The following NALF1 variants were observed in gnomAD, a reference collection of about 807,000 sequenced individuals.
NALF1 encodes the protein NALCN channel auxiliary factor 1.
Under a neutral mutation model 48.4 loss-of-function variants are expected in NALF1, and 3 were observed. The observed-to-expected ratio is 0.06, with a 90% confidence interval of 0.03 to 0.16. NALF1 has a LOEUF of 0.16. NALF1 is among the 10% of genes least tolerant of loss of function. The probability of loss-of-function intolerance (pLI) is 1.00; values close to 1 mark genes in which losing one functional copy is unlikely to be tolerated. For missense variants in NALF1, 526 were observed against 571.5 expected, an observed-to-expected ratio of 0.92 and a Z score of 0.81; for synonymous variants, 262 against 245.7, an observed-to-expected ratio of 1.07 and a Z score of -0.62.
At chr13:107,808,047 T>C (rs992245276) in intron 1 of NALF1, among the ~76,000 whole-genome samples, 2 of 151,810 alleles carry the variant, frequency 1.3e-5, no homozygotes, top group Non-Finnish European at 2.9e-5. Flanking sequence ...AAGAGAAAAA[T>C]GAGGAGGGTT....
At chr13:107,833,250 T>C (rs761231586) in intron 1 of NALF1, among the ~76,000 whole-genome samples, 12 of 152,242 alleles carry the variant, frequency 7.9e-5, no homozygotes, top group African/African-American at 1.4e-4. Flanking sequence ...CAGGGTAGAC[T>C]TGGTGACTTG....
chr13:107,484,120 C>CA (rs1284984230), intron 1 of NALF1, among the ~76,000 whole-genome samples: 2 of 151,312 alleles, frequency 1.3e-5, no homozygotes, highest in African/African-American at 4.9e-5. Context: ...TACAGAAGGC[C>CA]AAAAAAGAAT....
At chr13:107,725,048 G>C (rs796182296) in intron 1 of NALF1, among the ~76,000 whole-genome samples, 3 of 152,264 alleles carry the variant, frequency 2.0e-5, no homozygotes, top group African/African-American at 7.2e-5. Flanking sequence ...TTTTGTGTTT[G>C]TCTTACTTCT....
rs16970981 is a variant in NALF1 at position 107,715,685 on chromosome 13, C to T, written c.915+149997G>A. 0.027 allele frequency among the ~76,000 whole-genome samples: 4,155 copies of T among 152,238 alleles called. 343 individuals are homozygous for T. In the East Asian group the frequency reaches 0.32, roughly 12 times the overall value. On this transcript the variant is annotated intron_variant, in intron 1 of 2. Transcript: ENST00000375915. ...TTGCAATGCAAGGGGAAAAGTGAGCCCTTCAGCAGAGATGGCTGTGAAGCA... is the reference window on the plus strand; with the variant it reads ...TTGCAATGCAAGGGGAAAAGTGAGCTCTTCAGCAGAGATGGCTGTGAAGCA...
intron 1 of NALF1, among the ~76,000 whole-genome samples, chr13:107,234,937 G>A (rs368837685): frequency 5.9e-5 from 9 of 152,076 alleles, no homozygotes; most frequent in African/African-American, 1.9e-4. Flanking sequence ...GAATGCTAAC[G>A]AGCCACAGTA....
chr13:107,513,061 A>T (rs936173490), intron 1 of NALF1, among the ~76,000 whole-genome samples: 6 of 152,214 alleles, frequency 3.9e-5, no homozygotes, highest in African/African-American at 1.4e-4. Context: ...TATGTCTTCC[A>T]AAATAATATT....
intron 1 of NALF1, among the ~76,000 whole-genome samples, chr13:107,239,394 C>T (rs1880420956): frequency 6.6e-6 from 1 of 152,166 alleles, no homozygotes; most frequent in Non-Finnish European, 1.5e-5. Flanking sequence ...GGTCACATGG[C>T]CTTCTCCTAT....
intron 1 of NALF1, among the ~76,000 whole-genome samples, chr13:107,678,826 C>G (rs1297375875): frequency 6.6e-6 from 1 of 152,266 alleles, no homozygotes; most frequent in South Asian, 2.1e-4. Context: ...ATAGGGGAAA[C>G]CATCCCCATG....
chr13:107,785,545 G>A (rs1033243644), intron 1 of NALF1, among the ~76,000 whole-genome samples: 8 of 152,232 alleles, frequency 5.3e-5, no homozygotes, highest in Admixed American at 2.0e-4. Flanking sequence ...GGGGACTTGC[G>A]GGGAAGGGTG....
intron 1 of NALF1, among the ~76,000 whole-genome samples, chr13:107,859,087 A>T (rs1410693654): frequency 6.7e-6 from 1 of 150,232 alleles, no homozygotes; most frequent in Non-Finnish European, 1.5e-5. Context: ...CACGGTACAC[A>T]GGCTCTGGAA....
chr13:107,254,432 G>A (rs950611764), intron 1 of NALF1, among the ~76,000 whole-genome samples: 4 of 152,158 alleles, frequency 2.6e-5, no homozygotes, highest in African/African-American at 9.7e-5. Context: ...AACTTTGTTC[G>A]TGTTCCACAG....
At chr13:107,325,883 T>TACACAC (rs1662486140) in intron 1 of NALF1, among the ~76,000 whole-genome samples, 1 of 94,888 alleles carries the variant, frequency 1.1e-5, no homozygotes, top group African/African-American at 3.3e-5. Flanking sequence ...TATATATATA[T>TACACAC]ATATACACAC....
At chr13:107,494,465 C>T (rs16970285) in intron 1 of NALF1, among the ~76,000 whole-genome samples, 46,803 of 151,918 alleles carry the variant, frequency 0.31, 7,597 homozygotes, top group East Asian at 0.4. Flanking sequence ...TGCTTTTCAT[C>T]TCGAGTAGAT....
chr13:107,415,983 TACAGACC>T (rs1448009957), intron 1 of NALF1, among the ~76,000 whole-genome samples: 1 of 151,870 alleles, frequency 6.6e-6, no homozygotes, highest in Non-Finnish European at 1.5e-5. Context: ...AGGTTTGAAC[TACAGACC>T]ACTTATATGC....
intron 1 of NALF1, among the ~76,000 whole-genome samples, chr13:107,864,601 G>T (rs1302988634): frequency 1.3e-5 from 2 of 152,146 alleles, no homozygotes; most frequent in African/African-American, 4.8e-5. Context: ...CCCGTTTATT[G>T]TGTTGTGTAA....
intron 1 of NALF1, among the ~76,000 whole-genome samples, chr13:107,625,099 T>C (rs191680792): frequency 6.4e-4 from 97 of 152,262 alleles, no homozygotes; most frequent in African/African-American, 2.2e-3. Context: ...TATGGGCAGA[T>C]GCAGAACTCA....
chr13:107,773,473 A>G (rs531709004), intron 1 of NALF1, among the ~76,000 whole-genome samples: 1 of 152,254 alleles, frequency 6.6e-6, no homozygotes, highest in Admixed American at 6.5e-5. Context: ...ATAAGCTAAA[A>G]TTCTGATAAA....
At chr13:107,668,373 C>A (rs1203110507) in intron 1 of NALF1, among the ~76,000 whole-genome samples, 2 of 151,858 alleles carry the variant, frequency 1.3e-5, no homozygotes, top group African/African-American at 4.8e-5. Context: ...TAGTTTTGCT[C>A]CTGTTGTCCT....
intron 1 of NALF1, among the ~76,000 whole-genome samples, chr13:107,232,686 C>G (rs1296827262): frequency 6.7e-6 from 1 of 149,258 alleles, no homozygotes; most frequent in Non-Finnish European, 1.5e-5. Context: ...GAGGCACTTG[C>G]TTGGGCTGGA....
Sources: gnomAD v4.1 joint callset for allele counts (sites outside exome capture counted in the v4.1 genomes callset) on GRCh38, gnomAD v4.1.1 for gene constraint, MANE v1.5 for transcripts, NCBI Gene and HGNC (gene_info 2026-07-23, HGNC 2026-07-21) for gene names.